GATA6: variants seen among roughly 807,000 people sequenced by gnomAD.
GATA6 encodes the protein GATA binding protein 6, also known as transcription factor GATA-6.
GATA6 carries 11 observed loss-of-function variants against 48.1 expected under a neutral mutation model. The ratio of observed to expected loss-of-function variants is 0.23; its 90% CI spans 0.14 to 0.38. The LOEUF is 0.38. Among genes scored for constraint, GATA6 ranks in the 10% least tolerant of loss-of-function variants. The pLI, the probability that GATA6 is intolerant of heterozygous loss-of-function variation, is 1.00. For synonymous variants in GATA6, 419 were observed against 396.1 expected (o/e 1.06, Z -0.69); for missense variants, 795 against 850.3 (o/e 0.93, Z 0.81).
chr18:22,184,131 T>C (rs1442550483), intron 6 of GATA6, among the ~76,000 whole-genome samples: 2 of 152,210 alleles, frequency 1.3e-5, no homozygotes, highest in Non-Finnish European at 2.9e-5. Context: ...CGGAGGTGTT[T>C]GGGAACCACA....
intron 6 of GATA6, among the ~76,000 whole-genome samples, chr18:22,197,567 C>T (rs1209887669): frequency 2.6e-5 from 4 of 152,180 alleles, no homozygotes; most frequent in Non-Finnish European, 4.4e-5. Flanking sequence ...CGCCCTGCCT[C>T]CCATTTTGAA....
chr18:22,186,448 TAGG>T (rs1234141163), intron 6 of GATA6, among the ~76,000 whole-genome samples: 1 of 152,242 alleles, frequency 6.6e-6, no homozygotes, highest in African/African-American at 2.4e-5. Flanking sequence ...AAATCAGTTG[TAGG>T]AGATCACCGG....
chr18:22,182,321 A>G lies in GATA6; in HGVS notation c.1429-436A>G, dbSNP rs2033207475. Among the ~76,000 whole-genome samples, 5 of 152,180 alleles carry G rather than the reference A, an allele frequency of 3.3e-5. No homozygotes were observed. In the South Asian group the frequency reaches 1.0e-3, roughly 32 times the overall value. Reference sequence around the variant, plus strand: ...GCACTTGGGATCTTGAGTGTGTATAAAAATTGGATTGAAATTTATGCCAAG... The same window carrying G: ...GCACTTGGGATCTTGAGTGTGTATAGAAATTGGATTGAAATTTATGCCAAG... On this transcript the variant is annotated intron_variant, in intron 4 of 6. Coordinates refer to ENST00000269216, the MANE Select transcript of GATA6 (RefSeq NM_005257.6).
Position 22,171,192 on chromosome 18 carries a change from C to A in GATA6, c.48C>A (p.Ala16=), listed in dbSNP as rs764776127. 6.9e-6 allele frequency: 11 copies of A among 1,599,714 alleles called. No homozygotes were observed. Among genetic ancestry groups the A allele is most frequent in the Non-Finnish European group, 8.5e-7 (1 of 1,179,496 alleles). The change falls in exon 2 of 7, where the codon GCC becomes GCA. Residue 16 remains alanine (A), a synonymous_variant. Coordinates refer to ENST00000269216, the MANE Select transcript of GATA6 (RefSeq NM_005257.6). This position sits in a 1 kb window ranked among gnomAD's most constrained non-coding sequence, Gnocchi z 7.1. ...GGTGCTTGCCGAAGCGCTTCGGGGC[C>A]GCGGGTGCGGACGCCAGCGACTCCA... is the stretch of plus-strand genomic sequence containing the variant. ...GGWCLPKRFG[A]AGADASDSRA... is the part of the protein sequence containing the mutation.
At chr18:22,177,151 G>A (rs984833332) in intron 3 of GATA6, 30 bp downstream of exon 3, 1 of 1,534,630 alleles carries the variant, frequency 6.5e-7, no homozygotes, top group East Asian at 2.5e-5. Flanking sequence ...CCCCTGGCTC[G>A]CGGCCGGCCC....
chr18:22,182,952 A>G lies in GATA6; in HGVS notation c.1529A>G (p.Asn510Ser), dbSNP rs2033216974. 6.2e-7 allele frequency: 1 copy of G among 1,613,844 alleles called. No homozygotes were observed. Among genetic ancestry groups the G allele is most frequent in the Admixed American group, 1.7e-5 (1 of 60,028 alleles). The stretch of plus-strand genomic sequence containing the variant: ...TTGACTGTTGCAGGTAATAGCAATA[A>G]TTCCATTCCCATGACTCCAACTTCC... ...KSKTCSGNSN[N>S]SIPMTPTSTS... Residue 510 changes from asparagine to serine, a missense_variant, in exon 6 of 7, where the codon AAT becomes AGT. Coordinates refer to ENST00000269216, the MANE Select transcript of GATA6 (RefSeq NM_005257.6).
chr18:22,178,607 A>G (rs1399620918), intron 3 of GATA6, among the ~76,000 whole-genome samples: 1 of 152,184 alleles, frequency 6.6e-6, no homozygotes, highest in Non-Finnish European at 1.5e-5. Context: ...CCTTAAAGAG[A>G]AGCAATTAGT....
At position 22,200,732 on chromosome 18, in the gene GATA6, A is replaced by G. The variant is rs763069249; in HGVS notation, c.1697A>G (p.Asp566Gly). The change falls in exon 7 of 7, where the codon GAT (aspartate) becomes GGT (glycine). Residue 566 changes from aspartate to glycine, a missense_variant. By Grantham distance (94) the Asp-to-Gly change is moderately conservative. Around this residue, in one of 5 missense-constraint regions of GATA6, gnomAD observed 103 missense variants for 103.7 expected, o/e 0.99. Transcript: ENST00000269216. ...ENSELKYSGQDGLYIGVSLAS... is the reference protein window; with the variant it reads ...ENSELKYSGQGGLYIGVSLAS... Reference sequence around the variant, plus strand: ...AGCGAGCTCAAGTATTCGGGTCAAGATGGGCTCTACATAGGCGTCAGTCTC... The same window carrying G: ...AGCGAGCTCAAGTATTCGGGTCAAGGTGGGCTCTACATAGGCGTCAGTCTC... 2.5e-6 allele frequency: 4 copies of G among 1,614,028 alleles called. No individual in the cohort carries two copies. Among genetic ancestry groups the G allele is most frequent in the East Asian group, 2.2e-5 (1 of 44,878 alleles).
intron 3 of GATA6, 56 bp downstream of exon 3, chr18:22,177,177 C>A (rs923485703): frequency 2.7e-6 from 4 of 1,461,752 alleles, no homozygotes; most frequent in Admixed American, 4.7e-5. Context: ...TCTCCTGGCC[C>A]GGCCGGCCCC....
rs188583115 is a variant in GATA6, at chr18:22,200,576, A to G, written c.1621-80A>G. ...CCCTGGCTGCACAGACCCGTTCATT[A>G]GCTCCCATGTATTTCACTACCAGGA... is the stretch of plus-strand genomic sequence containing the variant. On this transcript the variant is annotated intron_variant, in intron 6 of 6. Coordinates refer to ENST00000269216, the MANE Select transcript of GATA6 (RefSeq NM_005257.6). The G allele has an allele frequency of 2.6e-4, 401 of 1,565,422 alleles. 3 individuals are homozygous for G. In the African/African-American group the frequency reaches 4.7e-3, roughly 19 times the overall value.
At chr18:22,194,175 G>C (rs961850896) in intron 6 of GATA6, among the ~76,000 whole-genome samples, 1 of 152,148 alleles carries the variant, frequency 6.6e-6, no homozygotes, top group South Asian at 2.1e-4. Context: ...AGCTCTCCCT[G>C]AAGTCATTTA....
In GATA6 at chr18:22,171,846, A is replaced by C; in HGVS notation, c.702A>C (p.Pro234=). 8.3e-7 allele frequency: 1 copy of C among 1,198,792 alleles called. No individual in the cohort carries two copies. Among genetic ancestry groups the C allele is most frequent in the South Asian group, 4.1e-5 (1 of 24,288 alleles). 74.3% of individuals were successfully genotyped at this position (1,198,792 alleles called of 1,614,324 possible). A position where few individuals can be genotyped will look rare whatever the true frequency, so the allele number is the denominator to read the frequency against. ...GWPQASADSP[P]YGSGGGAAGG... The stretch of plus-strand genomic sequence containing the variant: ...CTCAGGCCTCGGCCGACAGCCCTCC[A>C]TACGGCAGCGGAGGCGGCGCGGCTG... Residue 234 remains proline (P), a synonymous_variant, in exon 2 of 7, where the codon CCA becomes CCC. Coordinates refer to ENST00000269216, the MANE Select transcript of GATA6 (RefSeq NM_005257.6). This position sits in a 1 kb window ranked among gnomAD's most constrained non-coding sequence, Gnocchi z 7.1.
Position 22,181,530 on chromosome 18 carries a change from G to T in GATA6, c.1380G>T (p.Glu460Asp). 6.2e-7 allele frequency: 1 copy of T among 1,614,184 alleles called. No homozygotes were observed. Among genetic ancestry groups the T allele is most frequent in the Non-Finnish European group, 8.5e-7 (1 of 1,180,036 alleles). ...TTTTLWRRNA[E>D]GEPVCNACGL... is the part of the protein sequence containing the mutation. ...CCACCTTATGGCGCAGAAACGCCGAGGGTGAACCCGTGTGCAATGCTTGTG... is the reference window on the plus strand; with the variant it reads ...CCACCTTATGGCGCAGAAACGCCGATGGTGAACCCGTGTGCAATGCTTGTG... Residue 460 changes from glutamate to aspartate, a missense_variant, in exon 4 of 7, where the codon GAG becomes GAT. Glu to Asp is a conservative substitution (Grantham distance 45). Transcript: ENST00000269216.
In GATA6 at chr18:22,200,663, C is replaced by G. The variant is rs761668180; in HGVS notation, c.1628C>G (p.Ala543Gly). The change falls in exon 7 of 7, where the codon GCC becomes GGC. Residue 543 changes from alanine to glycine, a missense_variant. This residue lies in a region of GATA6 where 103 missense variants were observed against 103.7 expected (regional missense o/e 0.99). Transcript: ENST00000269216. ...GTCCCCCTCTTCTGCCAGGCGGGTGCCCCGGTGATGACTGGTGCGGGAGAG... is the reference window on the plus strand; with the variant it reads ...GTCCCCCTCTTCTGCCAGGCGGGTGGCCCGGTGATGACTGGTGCGGGAGAG... The part of the protein sequence containing the change: ...TTQPTASGAG[A>G]PVMTGAGEST... The G allele has an allele frequency of 3.2e-5, 52 of 1,614,136 alleles. No homozygotes were observed. The highest frequency in any genetic ancestry group is 4.1e-5 in the Non-Finnish European group (48 of 1,180,056).
In GATA6 at chr18:22,170,932, T is replaced by G; in HGVS notation, c.-37-176T>G. ...CTGCGCAGGCTCCCTTCCCCTCCCT[T>G]ATTGATCTCCACGCCCGGGGCAGAA... On this transcript the variant is annotated intron_variant, in intron 1 of 6. Transcript: ENST00000269216. The surrounding 1 kb of genome is among the most constrained non-coding windows in gnomAD (Gnocchi z 6.7). 1.7e-6 allele frequency: 1 copy of G among 596,754 alleles called. No individual in the cohort carries two copies. The allele number at this position is 596,754 out of a possible 1,614,324, so 37.0% of individuals were successfully genotyped here. A position where few individuals can be genotyped will look rare whatever the true frequency, so the allele number is the denominator to read the frequency against.
chr18:22,198,312 C>A (rs1222232494), intron 6 of GATA6, among the ~76,000 whole-genome samples: 6 of 152,152 alleles, frequency 3.9e-5, no homozygotes, highest in Non-Finnish European at 8.8e-5. Context: ...CTTAAGTAAT[C>A]CTCCCTCCTC....
intron 6 of GATA6, among the ~76,000 whole-genome samples, chr18:22,198,110 G>C (rs912275423): frequency 2.0e-5 from 3 of 150,488 alleles, no homozygotes; most frequent in Non-Finnish European, 4.4e-5. Context: ...TTAGAGACAG[G>C]GTCTTGCTCT....
intron 6 of GATA6, among the ~76,000 whole-genome samples, chr18:22,187,195 T>C (rs1027220125): frequency 1.3e-5 from 2 of 152,218 alleles, no homozygotes; most frequent in African/African-American, 4.8e-5. Context: ...TCAGTTTTTC[T>C]TTGGGCTGGG....
chr18:22,201,223 A>G lies in GATA6; in HGVS notation c.*400A>G, dbSNP rs780463246. On this transcript the variant is annotated 3_prime_UTR_variant, in exon 7 of 7. Coordinates refer to ENST00000269216, the MANE Select transcript of GATA6 (RefSeq NM_005257.6). ...ATTTCTTCATACCTTTTCCACATCCAGATTTCATGTGCGTTCATGGAGAAG... is the reference window on the plus strand; with the variant it reads ...ATTTCTTCATACCTTTTCCACATCCGGATTTCATGTGCGTTCATGGAGAAG... 1.0e-4 allele frequency: 24 copies of G among 236,644 alleles called. No homozygotes were observed. Among genetic ancestry groups the G allele is most frequent in the Non-Finnish European group, 1.6e-4 (19 of 118,610 alleles). The allele number at this position is 236,644 out of a possible 1,614,324, so 14.7% of individuals were successfully genotyped here.
Sources: gnomAD v4.1 joint callset for allele counts (sites outside exome capture counted in the v4.1 genomes callset) on GRCh38, gnomAD v4.1.1 for gene constraint, gnomAD v4.1.1 regional missense constraint, Gnocchi (gnomAD v3.1) non-coding constraint, MANE v1.5 for transcripts, NCBI Gene and HGNC (gene_info 2026-07-23, HGNC 2026-07-21) for gene names.